The following RUNX1 variants were observed in gnomAD, a reference collection of about 807,000 sequenced individuals.
The protein encoded by RUNX1 is runt-related transcription factor 1.
In RUNX1, 19 loss-of-function variants were observed where a neutral mutation model predicts 42.8. The ratio of observed to expected loss-of-function variants is 0.44; its 90% CI spans 0.31 to 0.65. The LOEUF (loss-of-function observed/expected upper bound fraction) is 0.65, where lower values mean the gene tolerates loss of function less well. RUNX1 is among the 30% of genes least tolerant of loss of function. RUNX1 has a pLI of 0.07. For missense variants in RUNX1, 528 were observed against 672.0 expected, an observed-to-expected ratio of 0.79 and a Z score of 2.37; for synonymous variants, 271 against 289.4, an observed-to-expected ratio of 0.94 and a Z score of 0.64.
rs1249430329 is a variant in RUNX1, at chr21:34,843,849, C to T, written c.614-9248G>A. On this transcript the variant is annotated intron_variant, in intron 6 of 8. Coordinates refer to ENST00000675419, the MANE Select transcript of RUNX1 (RefSeq NM_001754.5). This position sits in a 1 kb window ranked among gnomAD's most constrained non-coding sequence, Gnocchi z 4.8. Reference sequence around the variant, plus strand: ...AAAATCTAAATCTGCCATCCCCGGTCGCCAGGGCTCACTGTCCATTTCTGT... The same window carrying T: ...AAAATCTAAATCTGCCATCCCCGGTTGCCAGGGCTCACTGTCCATTTCTGT... Among the ~76,000 whole-genome samples, 1 of 152,162 alleles carries T rather than the reference C, an allele frequency of 6.6e-6. No homozygotes were observed. Among genetic ancestry groups the T allele is most frequent in the Admixed American group, 6.5e-5 (1 of 15,282 alleles).
intron 2 of RUNX1, among the ~76,000 whole-genome samples, chr21:35,044,213 C>T (rs1160525665): frequency 6.6e-6 from 1 of 152,134 alleles, no homozygotes; most frequent in African/African-American, 2.4e-5. Context: ...CTAACTTTGC[C>T]CAGGCTGTAC....
intron 7 of RUNX1, among the ~76,000 whole-genome samples, chr21:34,830,197 G>A (rs2057043746): frequency 6.6e-6 from 1 of 152,168 alleles, no homozygotes; most frequent in African/African-American, 2.4e-5. Flanking sequence ...GATGTTGACT[G>A]GGTTTGGATG....
Position 35,013,614 on chromosome 21 carries a change from C to T in RUNX1, c.58+35228G>A, listed in dbSNP as rs539424318. On this transcript the variant is annotated intron_variant, in intron 2 of 8. Coordinates refer to ENST00000675419, the MANE Select transcript of RUNX1 (RefSeq NM_001754.5). ...ATAAGAGTGGAGGCAAAATAGCCAC[C>T]GTCATGCACTGTGGGGTGGAATATA... Among the ~76,000 whole-genome samples the T allele has an allele frequency of 4.8e-4, 73 of 152,244 alleles. 1 individual carries two copies. The highest frequency in any genetic ancestry group is 1.6e-3 in the African/African-American group (66 of 41,546).
At chr21:34,973,503 T>C (rs1365461553) in intron 2 of RUNX1, among the ~76,000 whole-genome samples, 1 of 152,206 alleles carries the variant, frequency 6.6e-6, no homozygotes, top group Non-Finnish European at 1.5e-5. Flanking sequence ...AAGAGGCCAT[T>C]TATTTTCTCT....
At chr21:34,898,896 C>T (rs982180651) in intron 2 of RUNX1, among the ~76,000 whole-genome samples, 1 of 152,116 alleles carries the variant, frequency 6.6e-6, no homozygotes, top group Admixed American at 6.6e-5. Context: ...GTTGGAGGAT[C>T]CAGTATCTCA....
chr21:34,901,962 T>C lies in RUNX1; in HGVS notation c.59-8999A>G, dbSNP rs980169031. On this transcript the variant is annotated intron_variant, in intron 2 of 8. Coordinates refer to ENST00000675419, the MANE Select transcript of RUNX1 (RefSeq NM_001754.5). The surrounding 1 kb of genome is among the most constrained non-coding windows in gnomAD (Gnocchi z 4.3). ...GAGTCTGCTTTCTTTTGTAATCTGCTTTATTTGAGGCATTTTAGTTAATAT... is the reference window on the plus strand; with the variant it reads ...GAGTCTGCTTTCTTTTGTAATCTGCCTTATTTGAGGCATTTTAGTTAATAT... Among the ~76,000 whole-genome samples the C allele has an allele frequency of 2.6e-5, 4 of 152,224 alleles. No individual in the cohort carries two copies. The highest frequency in any genetic ancestry group is 7.2e-5 in the African/African-American group (3 of 41,464).
At chr21:34,894,880 AACACAC>A (rs57230115) in intron 2 of RUNX1, among the ~76,000 whole-genome samples, 19,953 of 127,744 alleles carry the variant, frequency 0.16, 1,566 homozygotes, top group Non-Finnish European at 0.2. Flanking sequence ...CCTACATAGA[AACACAC>A]ACACACACAC....
At chr21:34,960,878 G>C (rs1266050553) in intron 2 of RUNX1, among the ~76,000 whole-genome samples, 1 of 152,184 alleles carries the variant, frequency 6.6e-6, no homozygotes, top group African/African-American at 2.4e-5. Context: ...ACAATGGGAA[G>C]ATTAGGAGGA....
At chr21:35,034,397 G>T (rs1211234521) in intron 2 of RUNX1, among the ~76,000 whole-genome samples, 1 of 152,168 alleles carries the variant, frequency 6.6e-6, no homozygotes, top group Non-Finnish European at 1.5e-5. Flanking sequence ...AGTAGGCTGG[G>T]GTGGGGTAGA....
chr21:34,986,920 G>C (rs1023344603), intron 2 of RUNX1, among the ~76,000 whole-genome samples: 5 of 152,192 alleles, frequency 3.3e-5, no homozygotes, highest in Non-Finnish European at 5.9e-5. Flanking sequence ...CAACCACTGA[G>C]CTTCACTGAC....
chr21:34,992,736 A>T (rs1327237819), intron 2 of RUNX1, among the ~76,000 whole-genome samples: 1 of 151,570 alleles, frequency 6.6e-6, no homozygotes, highest in Non-Finnish European at 1.5e-5. Flanking sequence ...CCCTTTGGCC[A>T]TGTTCACTGC....
chr21:34,936,048 A>G (rs1454236564), intron 2 of RUNX1, among the ~76,000 whole-genome samples: 1 of 152,210 alleles, frequency 6.6e-6, no homozygotes, highest in Non-Finnish European at 1.5e-5. Flanking sequence ...CCACACTAAG[A>G]GGTGACTAAC....
chr21:34,892,737 T>G (rs1227036369), intron 3 of RUNX1, among the ~76,000 whole-genome samples, 188 bp downstream of exon 3: 1 of 152,190 alleles, frequency 6.6e-6, no homozygotes, highest in East Asian at 1.9e-4. Context: ...CATTGAAATA[T>G]TTTATATGGT....
chr21:35,009,391 C>T (rs191288314), intron 2 of RUNX1, among the ~76,000 whole-genome samples: 2 of 152,196 alleles, frequency 1.3e-5, no homozygotes, highest in Non-Finnish European at 2.9e-5. Flanking sequence ...ACAAACCCCA[C>T]CGAGTGAGTG....
At chr21:34,986,298 G>A (rs919314457) in intron 2 of RUNX1, among the ~76,000 whole-genome samples, 2 of 151,944 alleles carry the variant, frequency 1.3e-5, no homozygotes, top group African/African-American at 4.8e-5. Context: ...GGCTGGCACT[G>A]TTTGTTTCCT....
At chr21:34,949,664 C>A (rs1442687202) in intron 2 of RUNX1, among the ~76,000 whole-genome samples, 2 of 152,350 alleles carry the variant, frequency 1.3e-5, no homozygotes, top group Admixed American at 6.5e-5. Flanking sequence ...GGATGCCACA[C>A]CCGCGCCAGC....
intron 2 of RUNX1, among the ~76,000 whole-genome samples, chr21:34,971,607 A>G (rs1421740374): frequency 6.6e-6 from 1 of 152,126 alleles, no homozygotes; most frequent in African/African-American, 2.4e-5. Context: ...CGTACATACT[A>G]TGAACAAAGT....
chr21:34,846,232 C>A (rs2057314720), intron 6 of RUNX1, among the ~76,000 whole-genome samples: 1 of 119,094 alleles, frequency 8.4e-6, no homozygotes. Context: ...TTGCCAAAGT[C>A]ATGGGAACTC....
At chr21:34,989,335 C>A (rs868053289) in intron 2 of RUNX1, among the ~76,000 whole-genome samples, 2 of 151,884 alleles carry the variant, frequency 1.3e-5, no homozygotes, top group Non-Finnish European at 2.9e-5. Flanking sequence ...TGATCTTTGC[C>A]ATTCTCTACT....
Sources: gnomAD v4.1 joint callset for allele counts (sites outside exome capture counted in the v4.1 genomes callset) on GRCh38, gnomAD v4.1.1 for gene constraint, Gnocchi (gnomAD v3.1) non-coding constraint, MANE v1.5 for transcripts, NCBI Gene and HGNC (gene_info 2026-07-23, HGNC 2026-07-21) for gene names.